The following SPATA16 variants were observed in gnomAD, a reference collection of about 807,000 sequenced individuals.
The protein encoded by SPATA16 is spermatogenesis associated 16.
In SPATA16, 36 loss-of-function variants were observed where a neutral mutation model predicts 63.3. The observed-to-expected ratio is 0.57, with a 90% CI of 0.44 to 0.75. The LOEUF (loss-of-function observed/expected upper bound fraction) is 0.75, where lower values mean the gene tolerates loss of function less well. SPATA16 is among the 30% of genes least tolerant of loss of function. The pLI, the probability that SPATA16 is intolerant of heterozygous loss-of-function variation, is 0.00. For synonymous variants in SPATA16, 203 were observed against 216.7 expected, an observed-to-expected ratio of 0.94 and a Z score of 0.56; for missense variants, 646 against 679.3, an observed-to-expected ratio of 0.95 and a Z score of 0.54.
chr3:173,068,023 A>C (rs779812270), intron 2 of SPATA16, among the ~76,000 whole-genome samples: 1 of 152,250 alleles, frequency 6.6e-6, no homozygotes, highest in African/African-American at 2.4e-5. Flanking sequence ...TTATCCTTCA[A>C]ACATGAAGGA....
rs1273362754 is a variant in SPATA16, at chr3:172,889,400, T to A, written c.*170A>T. 5 of 923,730 alleles carry A rather than the reference T, an allele frequency of 5.4e-6. No individual in the cohort carries two copies. The highest frequency in any genetic ancestry group is 8.4e-6 in the Non-Finnish European group (5 of 596,894). The allele number at this position is 923,730 out of a possible 1,614,324, so 57.2% of individuals were successfully genotyped here. A position where few individuals can be genotyped will look rare whatever the true frequency, so the allele number is the denominator to read the frequency against. ...GAATATTTATTGCTGCCAGTTGAGA[T>A]TAATGAAACATAGAGTGTCTTTGGT... is the stretch of plus-strand genomic sequence containing the variant. On this transcript the variant is annotated 3_prime_UTR_variant, in exon 11 of 11. Transcript: ENST00000351008.
chr3:173,092,348 A>C (rs1421224599), intron 2 of SPATA16, among the ~76,000 whole-genome samples: 1 of 152,234 alleles, frequency 6.6e-6, no homozygotes, highest in African/African-American at 2.4e-5. Context: ...TGTGGTAGGC[A>C]GAATAATGTC....
chr3:172,971,183 A>G (rs1734039341), intron 5 of SPATA16, among the ~76,000 whole-genome samples: 4 of 152,214 alleles, frequency 2.6e-5, no homozygotes, highest in South Asian at 4.1e-4. Flanking sequence ...TAAAAGATCT[A>G]TTGGAAACCT....
At chr3:172,936,682 CTTTA>C (rs1260763452) in intron 6 of SPATA16, among the ~76,000 whole-genome samples, 1 of 151,930 alleles carries the variant, frequency 6.6e-6, no homozygotes, top group East Asian at 1.9e-4. Context: ...AGGCCTGGGA[CTTTA>C]TTTATTTATT....
At chr3:173,070,620 G>T (rs772499386) in intron 2 of SPATA16, among the ~76,000 whole-genome samples, 6 of 152,114 alleles carry the variant, frequency 3.9e-5, no homozygotes, top group African/African-American at 4.8e-5. Flanking sequence ...CAGCAAAATT[G>T]CAGGATACAA....
At chr3:173,036,641 A>G (rs997879288) in intron 3 of SPATA16, among the ~76,000 whole-genome samples, 5 of 152,062 alleles carry the variant, frequency 3.3e-5, no homozygotes, top group Non-Finnish European at 7.4e-5. Flanking sequence ...TTGGTGTAGT[A>G]TCAAAGAAGA....
chr3:172,930,625 C>G (rs181299712), intron 6 of SPATA16, among the ~76,000 whole-genome samples: 1 of 133,718 alleles, frequency 7.5e-6, no homozygotes, highest in East Asian at 2.3e-4. Context: ...GTGGCGCGAT[C>G]TCAGCTCCCT....
chr3:172,942,726 A>T lies in SPATA16; in HGVS notation c.1081+13951T>A, dbSNP rs1012369343. Among the ~76,000 whole-genome samples, 6 of 152,254 alleles carry T rather than the reference A, an allele frequency of 3.9e-5. No homozygotes were observed. The South Asian group carries it at 6.2e-4, about 16-fold the overall frequency. The stretch of plus-strand genomic sequence containing the variant: ...TTAAAAAACCCTGCATTCCAAAATT[A>T]AAAAATGACATTCTTCTTGAGCACA... On this transcript the variant is annotated intron_variant, in intron 6 of 10. Transcript: ENST00000351008.
chr3:172,906,599 T>C (rs1732242833), intron 10 of SPATA16, among the ~76,000 whole-genome samples: 2 of 152,154 alleles, frequency 1.3e-5, no homozygotes, highest in South Asian at 2.1e-4. Context: ...TGCTGGTCAC[T>C]CAGGCTGTTT....
intron 2 of SPATA16, among the ~76,000 whole-genome samples, chr3:173,084,704 A>C (rs1233421282): frequency 2.0e-5 from 3 of 152,160 alleles, no homozygotes; most frequent in Non-Finnish European, 4.4e-5. Context: ...TGTAAGGTGT[A>C]AGGAAAGGGT....
At chr3:173,017,346 A>G (rs1030331970) in intron 4 of SPATA16, among the ~76,000 whole-genome samples, 4 of 152,240 alleles carry the variant, frequency 2.6e-5, no homozygotes, top group East Asian at 3.9e-4. Flanking sequence ...TACCTAATTC[A>G]GTATACATGA....
At position 173,121,499 on chromosome 3, in the gene SPATA16, T is replaced by C. The variant is rs1560130548; in HGVS notation, c.-18-3750A>G. Among the ~76,000 whole-genome samples the C allele has an allele frequency of 2.0e-5, 3 of 152,210 alleles. No homozygotes were observed. The South Asian group carries it at 6.2e-4, about 31-fold the overall frequency. On this transcript the variant is annotated intron_variant, in intron 1 of 10. Coordinates refer to ENST00000351008, the MANE Select transcript of SPATA16 (RefSeq NM_031955.6). The stretch of plus-strand genomic sequence containing the variant: ...TACCTTTCCAAACCTACCAAGGAGT[T>C]ATCCATTTTTACCTCCTCAGAATAA...
intron 3 of SPATA16, among the ~76,000 whole-genome samples, chr3:173,023,208 G>T (rs1400890701): frequency 6.6e-6 from 1 of 150,734 alleles, no homozygotes; most frequent in Non-Finnish European, 1.5e-5. Flanking sequence ...GTACACTGAT[G>T]AGGCTCGAAT....
rs199707743 is a variant in SPATA16, at chr3:172,916,455, C to A, written c.1365G>T (p.Val455=). 1,271 of 1,613,802 alleles carry A rather than the reference C, an allele frequency of 7.9e-4. 18 individuals carry two copies. In the South Asian group the frequency reaches 0.013, roughly 17 times the overall value. ...GGCTGGCATATTGCAACTTCTCCAT[C>A]ACACCTGAGGATGCAGGAAAACTCC... ...LNGSFPASSG[V]MEKLQYASLL... is the part of the protein sequence containing the mutation. The change falls in exon 9 of 11, where the codon GTG becomes GTT. Residue 455 remains valine, a synonymous_variant. Coordinates refer to ENST00000351008, the MANE Select transcript of SPATA16 (RefSeq NM_031955.6).
At chr3:172,949,329 G>A (rs1733371649) in intron 6 of SPATA16, among the ~76,000 whole-genome samples, 1 of 152,146 alleles carries the variant, frequency 6.6e-6, no homozygotes, top group South Asian at 2.1e-4. Context: ...AAATGCTAAT[G>A]CTCGTAAGGT....
At chr3:172,963,494 G>A (rs1733837754) in intron 5 of SPATA16, among the ~76,000 whole-genome samples, 1 of 151,668 alleles carries the variant, frequency 6.6e-6, no homozygotes, top group East Asian at 1.9e-4. Flanking sequence ...TTTGTAGTGT[G>A]TTACTGCTAT....
At chr3:173,080,861 G>A (rs748284657) in intron 2 of SPATA16, among the ~76,000 whole-genome samples, 2 of 152,150 alleles carry the variant, frequency 1.3e-5, no homozygotes, top group African/African-American at 2.4e-5. Flanking sequence ...TATGCTTGAT[G>A]TCCAAAAAAT....
chr3:173,082,169 G>T (rs1281532056), intron 2 of SPATA16, among the ~76,000 whole-genome samples: 2 of 152,098 alleles, frequency 1.3e-5, no homozygotes, highest in African/African-American at 2.4e-5. Flanking sequence ...CATTTGCAGG[G>T]CCTGGGGTAA....
At chr3:173,102,619 T>A (rs1263279987) in intron 2 of SPATA16, among the ~76,000 whole-genome samples, 1 of 152,114 alleles carries the variant, frequency 6.6e-6, no homozygotes, top group Non-Finnish European at 1.5e-5. Flanking sequence ...CCTTGAGGGA[T>A]CCACTTCCAG....
Sources: allele counts gnomAD v4.1 joint callset (sites outside exome capture counted in the v4.1 genomes callset), GRCh38; gene constraint gnomAD v4.1.1; transcripts MANE v1.5; gene names NCBI Gene and HGNC (gene_info 2026-07-23, HGNC 2026-07-21).